The following ADAMTSL1 variants were observed in gnomAD, a reference collection of about 807,000 sequenced individuals.
ADAMTSL1 encodes the protein ADAMTS like 1, also known as ADAMTS-like protein 1.
A neutral mutation model predicts 201.8 loss-of-function variants in ADAMTSL1; 126 were observed. The ratio of observed to expected loss-of-function variants is 0.62; its 90% CI spans 0.54 to 0.72. The LOEUF (loss-of-function observed/expected upper bound fraction) is 0.72. ADAMTSL1 is among the 30% of genes least tolerant of loss of function. The pLI is 0.00. For missense variants in ADAMTSL1, 2,679 were observed against 2,277.8 expected, an observed-to-expected ratio of 1.18 and a Z score of -3.59; for synonymous variants, 1,121 against 903.4, an observed-to-expected ratio of 1.24 and a Z score of -4.32.
chr9:18,695,478 T>C (rs796173081), intron 13 of ADAMTSL1, among the ~76,000 whole-genome samples: 1 of 152,246 alleles, frequency 6.6e-6, no homozygotes, highest in South Asian at 2.1e-4. Context: ...TCTTTGCTCA[T>C]GCATGTGATT....
intron 1 of ADAMTSL1, among the ~76,000 whole-genome samples, chr9:18,048,222 CAA>C (rs1273160370): frequency 6.6e-6 from 1 of 152,114 alleles, no homozygotes; most frequent in Non-Finnish European, 1.5e-5. Flanking sequence ...ATTTTTTCAT[CAA>C]CTCACATTTT....
chr9:18,052,291 A>G (rs1188368851), intron 1 of ADAMTSL1, among the ~76,000 whole-genome samples: 1 of 152,246 alleles, frequency 6.6e-6, no homozygotes, highest in Non-Finnish European at 1.5e-5. Context: ...CACTTAGGTA[A>G]ATGCCCTGAA....
At chr9:18,105,266 G>A (rs7049031) in intron 1 of ADAMTSL1, among the ~76,000 whole-genome samples, 6,689 of 152,102 alleles carry the variant, frequency 0.044, 441 homozygotes, top group African/African-American at 0.14. Context: ...TTAATTATCC[G>A]TGACCTGATT....
chr9:18,124,999 T>G (rs1417329531), intron 1 of ADAMTSL1, among the ~76,000 whole-genome samples: 4 of 152,164 alleles, frequency 2.6e-5, no homozygotes, highest in African/African-American at 7.2e-5. Flanking sequence ...GGAAAATATT[T>G]CACATTCTTA....
intron 23 of ADAMTSL1, among the ~76,000 whole-genome samples, chr9:18,860,101 T>C (rs759890846): frequency 1.5e-4 from 23 of 152,252 alleles, no homozygotes; most frequent in Non-Finnish European, 2.8e-4. Context: ...ATTTTTATAT[T>C]TTTGTGAGCT....
At chr9:18,730,638 A>G (rs1231943899) in intron 15 of ADAMTSL1, among the ~76,000 whole-genome samples, 1 of 152,176 alleles carries the variant, frequency 6.6e-6, no homozygotes, top group Admixed American at 6.5e-5. Flanking sequence ...TGTTTATGTC[A>G]GGGACACAAG....
chr9:18,025,627 C>A (rs781476368), intron 1 of ADAMTSL1, among the ~76,000 whole-genome samples: 1 of 152,012 alleles, frequency 6.6e-6, no homozygotes, highest in Non-Finnish European at 1.5e-5. Context: ...GTTTTTGGAC[C>A]AGTACCATGC....
At chr9:18,058,184 T>G (rs952062563) in intron 1 of ADAMTSL1, among the ~76,000 whole-genome samples, 1 of 152,234 alleles carries the variant, frequency 6.6e-6, no homozygotes, top group African/African-American at 2.4e-5. Context: ...TTGAGTAATC[T>G]AGAACATTCT....
intron 2 of ADAMTSL1, among the ~76,000 whole-genome samples, chr9:18,463,244 T>C (rs557463522): frequency 3.2e-4 from 49 of 152,322 alleles, no homozygotes; most frequent in South Asian, 8.3e-4. Context: ...TATTATCACA[T>C]TGAGTTTCTG....
chr9:18,351,301 C>T (rs538931070), intron 2 of ADAMTSL1, among the ~76,000 whole-genome samples: 133 of 151,484 alleles, frequency 8.8e-4, no homozygotes, highest in African/African-American at 2.9e-3. Flanking sequence ...GTGTGTGGTC[C>T]AAACTTCTTT....
intron 2 of ADAMTSL1, among the ~76,000 whole-genome samples, chr9:18,240,507 G>C (rs753203332): frequency 2.6e-5 from 4 of 152,040 alleles, no homozygotes; most frequent in Non-Finnish European, 4.4e-5. Context: ...TTCAGGATGG[G>C]AAATGAGCAT....
At chr9:18,609,807 A>T (rs1010833751) in intron 4 of ADAMTSL1, among the ~76,000 whole-genome samples, 2 of 152,216 alleles carry the variant, frequency 1.3e-5, no homozygotes, top group Non-Finnish European at 2.9e-5. Context: ...AAATTCCAGG[A>T]TAGTGGTCAG....
intron 2 of ADAMTSL1, among the ~76,000 whole-genome samples, chr9:18,387,198 A>G (rs10963592): frequency 6.6e-6 from 1 of 152,206 alleles, no homozygotes; most frequent in South Asian, 2.1e-4. Context: ...AATATAACAA[A>G]CTGTTTTATT....
intron 1 of ADAMTSL1, among the ~76,000 whole-genome samples, chr9:17,953,474 G>T (rs1213760843): frequency 6.6e-6 from 1 of 152,160 alleles, no homozygotes; most frequent in East Asian, 1.9e-4. Context: ...GTGGTAATTT[G>T]TCCTACAGAT....
chr9:18,784,342 C>T (rs573042289), intron 19 of ADAMTSL1, among the ~76,000 whole-genome samples: 3 of 152,164 alleles, frequency 2.0e-5, no homozygotes, highest in East Asian at 1.9e-4. Flanking sequence ...TTATTTTCTC[C>T]GTAATTCTAA....
intron 1 of ADAMTSL1, among the ~76,000 whole-genome samples, chr9:18,106,371 C>A (rs187520707): frequency 6.6e-6 from 1 of 152,282 alleles, no homozygotes; most frequent in Non-Finnish European, 1.5e-5. Context: ...AAGTGAAAAC[C>A]TATCATTTGT....
chr9:18,366,886 G>T (rs1237327744), intron 2 of ADAMTSL1, among the ~76,000 whole-genome samples: 2 of 151,984 alleles, frequency 1.3e-5, no homozygotes, highest in Non-Finnish European at 2.9e-5. Flanking sequence ...GGGAGTACTG[G>T]CATGAGCCGC....
At chr9:18,649,927 G>C (rs1828103592) in intron 7 of ADAMTSL1, among the ~76,000 whole-genome samples, 1 of 152,146 alleles carries the variant, frequency 6.6e-6, no homozygotes, top group South Asian at 2.1e-4. Flanking sequence ...AAAGCTGTCA[G>C]ACAGGGACAT....
chr9:18,078,669 C>G (rs541213652), intron 1 of ADAMTSL1, among the ~76,000 whole-genome samples: 2 of 152,146 alleles, frequency 1.3e-5, no homozygotes, highest in African/African-American at 2.4e-5. Flanking sequence ...TTCTAAGCCC[C>G]TCCAATCGTA....
Sources: allele counts gnomAD v4.1 joint callset (sites outside exome capture counted in the v4.1 genomes callset), GRCh38; gene constraint gnomAD v4.1.1; transcripts MANE v1.5; gene names NCBI Gene and HGNC (gene_info 2026-07-23, HGNC 2026-07-21).